Variants in DOCK9 observed in about 807,000 individuals in gnomAD.
DOCK9 encodes the protein dedicator of cytokinesis 9.
DOCK9 carries 89 observed loss-of-function variants against 263.3 expected under a neutral mutation model. That is an observed-to-expected ratio of 0.34 (90% CI 0.28 to 0.40). The LOEUF is 0.40. DOCK9 is among the 10% of genes least tolerant of loss of function. DOCK9 has a pLI of 1.00. For missense variants in DOCK9, 2,140 were observed against 2,603.4 expected (o/e 0.82, Z 3.87); for synonymous variants, 976 against 973.1 (o/e 1.00, Z -0.06).
At chr13:99,009,135 C>T (rs368497462) in intron 1 of DOCK9, among the ~76,000 whole-genome samples, 1 of 152,128 alleles carries the variant, frequency 6.6e-6, no homozygotes, top group South Asian at 2.1e-4. Context: ...CAAAGGAATC[C>T]CACTGATAAA....
chr13:99,027,267 C>T (rs1178499653), intron 1 of DOCK9, among the ~76,000 whole-genome samples: 1 of 152,170 alleles, frequency 6.6e-6, no homozygotes, highest in African/African-American at 2.4e-5. Flanking sequence ...ATCCACCAGC[C>T]TCAGCCTCCT....
Position 98,886,779 on chromosome 13 carries a change from C to T in DOCK9, c.2044-155G>A, listed in dbSNP as rs139068092. Among the ~76,000 whole-genome samples the T allele has an allele frequency of 3.4e-3, 518 of 152,292 alleles. 3 individuals are homozygous for T. The highest frequency in any genetic ancestry group is 0.012 in the African/African-American group (492 of 41,558). ...CCTGTGAGCCCCGGACTGCTGGGTC[C>T]TGCCCACCTTCCAGCTTGCCTTGAA... On this transcript the variant is annotated intron_variant, in intron 18 of 52. Transcript: ENST00000682017.
chr13:98,860,395 G>A lies in DOCK9; in HGVS notation c.3697+10C>T, dbSNP rs945125528. 1 of 1,572,572 alleles carries A rather than the reference G, an allele frequency of 6.4e-7. No homozygotes were observed. Among genetic ancestry groups the A allele is most frequent in the Non-Finnish European group, 8.6e-7 (1 of 1,157,618 alleles). On this transcript the variant is annotated intron_variant, in intron 33 of 52. Transcript: ENST00000682017. ...GGTGGAGAGAAGCCCACAAGAGCATGGAGCGTTACCAATGCCGGAGATGGC... is the reference window on the plus strand; with the variant it reads ...GGTGGAGAGAAGCCCACAAGAGCATAGAGCGTTACCAATGCCGGAGATGGC...
chr13:98,939,971 G>A (rs1266143576), intron 2 of DOCK9, among the ~76,000 whole-genome samples: 3 of 152,152 alleles, frequency 2.0e-5, no homozygotes, highest in African/African-American at 4.8e-5. Context: ...ATTTTGTATC[G>A]AGTGCAGTAT....
Position 98,920,073 on chromosome 13 carries a change from T to C in DOCK9, c.717+881A>G, listed in dbSNP as rs144031682. Among the ~76,000 whole-genome samples the C allele has an allele frequency of 4.1e-3, 627 of 152,090 alleles. 14 individuals carry two copies. The highest frequency in any genetic ancestry group is 2.7e-3 in the East Asian group (14 of 5,178). On this transcript the variant is annotated intron_variant, in intron 7 of 52. Transcript: ENST00000682017. ...GATGGACAGATGATGGACAGGGAAATTGACAACTCTCTTCCAAAGACAATG... is the reference window on the plus strand; with the variant it reads ...GATGGACAGATGATGGACAGGGAAACTGACAACTCTCTTCCAAAGACAATG...
chr13:98,923,314 G>C lies in DOCK9; in HGVS notation c.474C>G (p.Val158=), dbSNP rs12428661. The C allele has an allele frequency of 8.7e-6, 14 of 1,613,524 alleles. No homozygotes were observed. The South Asian group carries it at 1.2e-4, about 14-fold the overall frequency. The change falls in exon 5 of 53, where the codon GTC becomes GTG. Residue 158 remains valine, a synonymous_variant. Transcript: ENST00000682017. ...PVHVYEVDEE[V]DKDEDAASLG... ...GCAGGTATCCCACCTCATCTTTGTC[G>C]ACCTCCTCGTCAACTTCATAGACAT...
At chr13:98,816,736 G>A (rs2091892722) in intron 45 of DOCK9, among the ~76,000 whole-genome samples, 1 of 151,822 alleles carries the variant, frequency 6.6e-6, no homozygotes, top group Non-Finnish European at 1.5e-5. Flanking sequence ...AGTGAAAGGT[G>A]GGGGTGGGAA....
intron 13 of DOCK9, among the ~76,000 whole-genome samples, chr13:98,898,979 G>A (rs2047845651): frequency 6.6e-6 from 1 of 151,478 alleles, no homozygotes; most frequent in African/African-American, 2.4e-5. Context: ...TGTCTGTACT[G>A]TGATAGTGCT....
chr13:98,977,670 A>G, intron 1 of DOCK9, 114 bp downstream of exon 1: 1 of 961,696 alleles, frequency 1.0e-6, no homozygotes, highest in Non-Finnish European at 1.5e-6. Context: ...ACAAGGGACA[A>G]GCAGAGCAAG....
chr13:98,823,870 G>C (rs2092407562), intron 45 of DOCK9, among the ~76,000 whole-genome samples: 1 of 152,242 alleles, frequency 6.6e-6, no homozygotes, highest in South Asian at 2.1e-4. Context: ...GGGTGCGACA[G>C]GGTGGTCCTG....
chr13:98,979,973 C>T (rs187548348), upstream of DOCK9, among the ~76,000 whole-genome samples: 164 of 152,300 alleles, frequency 1.1e-3, 2 homozygotes, highest in Non-Finnish European at 7.4e-4. Flanking sequence ...AAATCCCCAT[C>T]GCCATTAAGC....
chr13:98,885,244 G>A, intron 20 of DOCK9, 152 bp from the exon 21 acceptor site: 1 of 1,086,606 alleles, frequency 9.2e-7, no homozygotes, highest in South Asian at 1.7e-5. Flanking sequence ...AATCTCTGCA[G>A]AACATTGTCT....
intron 48 of DOCK9, 106 bp downstream of exon 48, chr13:98,807,555 C>A: frequency 1.8e-6 from 2 of 1,088,674 alleles, no homozygotes; most frequent in Non-Finnish European, 2.4e-6. Flanking sequence ...GGCCAACAAT[C>A]CTTAATATTT....
At chr13:99,086,573 C>T (rs969226109) in exon 1 of DOCK9, 2 of 156,798 alleles carry the variant, frequency 1.3e-5, no homozygotes, top group African/African-American at 4.9e-5. Context: ...GTCCGCGGCC[C>T]CCCGCGATCG....
At chr13:98,870,682 C>T (rs1390774062) in intron 27 of DOCK9, among the ~76,000 whole-genome samples, 1 of 152,020 alleles carries the variant, frequency 6.6e-6, no homozygotes, top group Admixed American at 6.6e-5. Flanking sequence ...GTATATATGC[C>T]TCCTGATGTG....
chr13:99,023,709 G>C (rs763092875), intron 1 of DOCK9, among the ~76,000 whole-genome samples: 3 of 152,164 alleles, frequency 2.0e-5, no homozygotes, highest in Non-Finnish European at 4.4e-5. Flanking sequence ...ATCACTTCTA[G>C]AAACAGGTGA....
intron 34 of DOCK9, 36 bp from the exon 35 acceptor site, chr13:98,853,558 T>A (rs775380209): frequency 6.9e-6 from 10 of 1,446,652 alleles, no homozygotes; most frequent in Middle Eastern, 1.7e-4. Flanking sequence ...TCTATTTAAT[T>A]ACGGGAGGAA....
intron 1 of DOCK9, among the ~76,000 whole-genome samples, chr13:99,064,760 G>A (rs1341196028): frequency 2.0e-5 from 3 of 152,178 alleles, no homozygotes; most frequent in African/African-American, 7.2e-5. Flanking sequence ...AAGACAGCTG[G>A]TCGGGGGCCT....
rs759835639 is a variant in DOCK9 at position 98,797,466 on chromosome 13, A to G, written c.5940T>C (p.Tyr1980=). ...SVQVNAGPLA[Y]ARAFLDDTNT... ...TTGTATCATCTAAGAAAGCTCGCGC[A>G]TATGCTAGTGGGCCAGCATTGACCT... Residue 1980 remains tyrosine, a synonymous_variant, in exon 51 of 53, where the codon TAT becomes TAC. Transcript: ENST00000682017. 1 of 1,612,476 alleles carries G rather than the reference A, an allele frequency of 6.2e-7. No individual in the cohort carries two copies. The highest frequency in any genetic ancestry group is 8.5e-7 in the Non-Finnish European group (1 of 1,179,240).
Sources: allele counts gnomAD v4.1 joint callset (sites outside exome capture counted in the v4.1 genomes callset), GRCh38; gene constraint gnomAD v4.1.1; transcripts MANE v1.5; gene names NCBI Gene and HGNC (gene_info 2026-07-23, HGNC 2026-07-21).